NDUFS4: variants seen among roughly 807,000 people sequenced by gnomAD.
The protein encoded by NDUFS4 is NADH:ubiquinone oxidoreductase subunit S4.
NDUFS4 carries 28 observed loss-of-function variants against 24.3 expected under a neutral mutation model. The ratio of observed to expected loss-of-function variants is 1.15; its 90% CI spans 0.85 to 1.58. NDUFS4 has a LOEUF of 1.58. Among genes scored for constraint, NDUFS4 ranks in the 40% most tolerant of loss-of-function variants. NDUFS4 has a pLI of 0.00. For synonymous variants in NDUFS4, 93 were observed against 69.7 expected (o/e 1.34, Z -1.67); for missense variants, 223 against 207.9 (o/e 1.07, Z -0.45).
Position 53,660,772 on chromosome 5 carries a change from G to C in NDUFS4, c.424+2148G>C, listed in dbSNP as rs1393711535. ...CCAGTGATGATGGGCATTTTTTCATGTGTCTTTTGGCTGCATAAATGTCTT... is the reference window on the plus strand; with the variant it reads ...CCAGTGATGATGGGCATTTTTTCATCTGTCTTTTGGCTGCATAAATGTCTT... On this transcript the variant is annotated intron_variant, in intron 4 of 4. Transcript: ENST00000296684. Among the ~76,000 whole-genome samples the C allele has an allele frequency of 2.0e-5, 3 of 152,246 alleles. No homozygotes were observed. In the South Asian group the frequency reaches 6.2e-4, roughly 32 times the overall value.
At chr5:53,621,009 G>C (rs1431538504) in intron 2 of NDUFS4, among the ~76,000 whole-genome samples, 2 of 152,038 alleles carry the variant, frequency 1.3e-5, no homozygotes, top group African/African-American at 4.8e-5. Flanking sequence ...CAATATTTTT[G>C]TCCACATTTT....
intron 4 of NDUFS4, among the ~76,000 whole-genome samples, chr5:53,682,687 G>A (rs439552): frequency 0.78 from 118,870 of 151,914 alleles, 46,639 homozygotes; most frequent in African/African-American, 0.83. Flanking sequence ...ATATTTTTCT[G>A]TATCCCTTTG....
At chr5:53,620,080 A>G (rs908128223) in intron 2 of NDUFS4, among the ~76,000 whole-genome samples, 1 of 152,052 alleles carries the variant, frequency 6.6e-6, no homozygotes, top group Non-Finnish European at 1.5e-5. Flanking sequence ...CCAGGAGTTC[A>G]AGACCAGCCT....
At chr5:53,618,789 T>C (rs1310008895) in intron 2 of NDUFS4, among the ~76,000 whole-genome samples, 1 of 152,144 alleles carries the variant, frequency 6.6e-6, no homozygotes, top group Admixed American at 6.6e-5. Flanking sequence ...TATTATTATA[T>C]TTGGTCATTA....
At position 53,591,762 on chromosome 5, in the gene NDUFS4, C is replaced by G. The variant is rs141384548; in HGVS notation, c.99-11690C>G. ...TTGGTGTGGTATTTTGGATTTTAGC[C>G]ATTCTAATAGGTGTGTAGCACTGTC... On this transcript the variant is annotated intron_variant, in intron 1 of 4. Coordinates refer to ENST00000296684, the MANE Select transcript of NDUFS4 (RefSeq NM_002495.4). 2.9e-3 allele frequency among the ~76,000 whole-genome samples: 441 copies of G among 152,224 alleles called. 1 individual carries two copies. Among genetic ancestry groups the G allele is most frequent in the African/African-American group, 0.01 (427 of 41,534 alleles).
At chr5:53,677,995 GA>G (rs1740531817) in intron 4 of NDUFS4, among the ~76,000 whole-genome samples, 1 of 152,090 alleles carries the variant, frequency 6.6e-6, no homozygotes, top group Admixed American at 6.6e-5. Context: ...TTGTATTACT[GA>G]ACCATAAATG....
At chr5:53,652,803 C>T (rs886675511) in intron 3 of NDUFS4, among the ~76,000 whole-genome samples, 1 of 152,088 alleles carries the variant, frequency 6.6e-6, no homozygotes, top group African/African-American at 2.4e-5. Flanking sequence ...TCTTAAGGTG[C>T]AAAATTATCC....
At position 53,569,744 on chromosome 5, in the gene NDUFS4, TC is replaced by T. The variant is rs554956950; in HGVS notation, c.98+8986del. On this transcript the variant is annotated intron_variant, in intron 1 of 4. Transcript: ENST00000296684. ...GAAGACATTTGTCATCACTCATTCT[TC>T]CTTCAAGTCTGTGCTCCAGGCTTAG... 2.3e-3 allele frequency among the ~76,000 whole-genome samples: 354 copies of T among 152,322 alleles called. 2 individuals are homozygous for T. Among genetic ancestry groups the T allele is most frequent in the African/African-American group, 8.2e-3 (339 of 41,578 alleles).
intron 3 of NDUFS4, among the ~76,000 whole-genome samples, chr5:53,656,384 A>C (rs368746097): frequency 3.3e-5 from 5 of 152,256 alleles, no homozygotes; most frequent in Admixed American, 3.3e-4. Context: ...AGAACAAATT[A>C]TCTTTAGTGG....
chr5:53,569,416 C>A (rs1749142406), intron 1 of NDUFS4, among the ~76,000 whole-genome samples: 1 of 152,014 alleles, frequency 6.6e-6, no homozygotes, highest in Admixed American at 6.6e-5. Context: ...GGCAAGGTTA[C>A]CTTTTTAGAT....
At chr5:53,604,883 T>A (rs1307150761) in intron 2 of NDUFS4, 1 of 456,278 alleles carries the variant, frequency 2.2e-6, no homozygotes, top group East Asian at 7.0e-5. Context: ...ACCATCTACC[T>A]ATTCTTCAAA....
rs1343544596 is a variant in NDUFS4, at chr5:53,587,883, C to A, written c.99-15569C>A. Among the ~76,000 whole-genome samples the A allele has an allele frequency of 1.1e-4, 16 of 152,200 alleles. No homozygotes were observed. In the East Asian group the frequency reaches 3.1e-3, roughly 29 times the overall value. ...TGTGACACCATGCCTGGCAATACTT[C>A]ACTTTTTTAAGGTAAATTACCACTC... is the stretch of plus-strand genomic sequence containing the variant. On this transcript the variant is annotated intron_variant, in intron 1 of 4. Transcript: ENST00000296684.
rs879268740 is a variant in NDUFS4, at chr5:53,601,624, AC to A, written c.99-1825del. On this transcript the variant is annotated intron_variant, in intron 1 of 4. Coordinates refer to ENST00000296684, the MANE Select transcript of NDUFS4 (RefSeq NM_002495.4). Reference sequence around the variant, plus strand: ...AGTGTAGCTTTTCACGGTTTTAGTTACCCACGGTCAGCTGTGGTCCAAAAAT... The same window carrying A: ...AGTGTAGCTTTTCACGGTTTTAGTTACCACGGTCAGCTGTGGTCCAAAAAT... Among the ~76,000 whole-genome samples the A allele has an allele frequency of 4.5e-4, 68 of 152,272 alleles. 1 individual carries two copies. The highest frequency in any genetic ancestry group is 1.0e-4 in the Non-Finnish European group (7 of 68,020).
At chr5:53,628,212 T>C (rs1397202278) in intron 2 of NDUFS4, among the ~76,000 whole-genome samples, 2 of 152,248 alleles carry the variant, frequency 1.3e-5, no homozygotes, top group Non-Finnish European at 2.9e-5. Flanking sequence ...GAACCAGCCT[T>C]GCATCCCAGG....
intron 1 of NDUFS4, among the ~76,000 whole-genome samples, chr5:53,562,684 G>A (rs1440506077): frequency 6.6e-6 from 1 of 152,066 alleles, no homozygotes; most frequent in Non-Finnish European, 1.5e-5. Context: ...TAATTTGAGG[G>A]AAATTTATAG....
At chr5:53,679,689 G>A (rs1425608193) in intron 4 of NDUFS4, among the ~76,000 whole-genome samples, 1 of 152,118 alleles carries the variant, frequency 6.6e-6, no homozygotes, top group Non-Finnish European at 1.5e-5. Context: ...TATCAGGTTT[G>A]TGTTTGTGTG....
intron 1 of NDUFS4, among the ~76,000 whole-genome samples, chr5:53,595,389 A>T (rs538827232): frequency 1.3e-5 from 2 of 152,198 alleles, no homozygotes; most frequent in South Asian, 4.1e-4. Context: ...GGATAGCAAC[A>T]CAGTTTCTTC....
chr5:53,598,996 T>A (rs2112451691), intron 1 of NDUFS4, among the ~76,000 whole-genome samples: 1 of 152,098 alleles, frequency 6.6e-6, no homozygotes, highest in Admixed American at 6.5e-5. Flanking sequence ...TGGACAAAAA[T>A]AAAGGCAAAC....
chr5:53,663,832 C>G (rs1331762536), intron 4 of NDUFS4, among the ~76,000 whole-genome samples: 1 of 151,998 alleles, frequency 6.6e-6, no homozygotes, highest in African/African-American at 2.4e-5. Flanking sequence ...GCCCATTTAC[C>G]TTTAAGGTTA....
Sources: allele counts gnomAD v4.1 joint callset (sites outside exome capture counted in the v4.1 genomes callset), GRCh38; gene constraint gnomAD v4.1.1; transcripts MANE v1.5; gene names NCBI Gene and HGNC (gene_info 2026-07-23, HGNC 2026-07-21).